FLACC1: variants seen among roughly 807,000 people sequenced by gnomAD.
FLACC1 encodes the protein flagellum-associated coiled-coil domain-containing protein 1.
In FLACC1, 66 loss-of-function variants were observed where a neutral mutation model predicts 62.8. The ratio of observed to expected loss-of-function variants is 1.05; its 90% CI spans 0.86 to 1.29. The LOEUF is 1.29. Ranked by LOEUF, FLACC1 falls within the 50% of genes most tolerant of loss-of-function variation. The pLI is 0.00. For missense variants in FLACC1, 452 were observed against 489.1 expected (o/e 0.92, Z 0.71); for synonymous variants, 156 against 161.0 (o/e 0.97, Z 0.24).
chr2:201,346,590 C>T lies in FLACC1; in HGVS notation c.320G>A (p.Arg107Lys), dbSNP rs375603539. ...GATCTCCGATTCCCACCGCTTTTTC[C>T]TATCAAACATCTCATCCCCTAAGGT... ...SVTLGDEMFD[R>K]KKRWESEIPD... Residue 107 changes from arginine to lysine, a missense_variant, in exon 5 of 15, where the codon AGG becomes AAG. Transcript: ENST00000392257. The surrounding 1 kb of genome is among the most constrained non-coding windows in gnomAD (Gnocchi z 4.0). 2.5e-6 allele frequency: 4 copies of T among 1,614,198 alleles called. No homozygotes were observed. The highest frequency in any genetic ancestry group is 2.5e-6 in the Non-Finnish European group (3 of 1,180,026).
intron 11 of FLACC1, among the ~76,000 whole-genome samples, chr2:201,299,584 C>T (rs1053409427): frequency 9.8e-5 from 15 of 152,288 alleles, no homozygotes; most frequent in Middle Eastern, 3.4e-3. Flanking sequence ...GAATTAATCT[C>T]GCCACAGATT....
chr2:201,332,351 C>T (rs532736511), intron 7 of FLACC1, among the ~76,000 whole-genome samples: 191 of 152,036 alleles, frequency 1.3e-3, no homozygotes, highest in Admixed American at 2.2e-3. Flanking sequence ...TGGGCTCAAG[C>T]GATTCTCTCA....
At chr2:201,315,116 CA>C (rs201077822) in intron 9 of FLACC1, among the ~76,000 whole-genome samples, 2 of 151,170 alleles carry the variant, frequency 1.3e-5, no homozygotes, top group African/African-American at 2.4e-5. Flanking sequence ...ACCTATAATA[CA>C]AAAAAAAGCA....
chr2:201,327,135 ACTGGATCCATATTT>A (rs968625793), intron 9 of FLACC1, among the ~76,000 whole-genome samples: 20 of 152,186 alleles, frequency 1.3e-4, no homozygotes, highest in African/African-American at 4.3e-4. Context: ...GAAAAATGAA[ACTGGATCCATATTT>A]CTCACCTTAT....
chr2:201,298,733 A>G (rs1048488838), intron 12 of FLACC1, among the ~76,000 whole-genome samples: 1 of 152,214 alleles, frequency 6.6e-6, no homozygotes, highest in Non-Finnish European at 1.5e-5. Flanking sequence ...TGATGGAAGA[A>G]TCACACATCA....
chr2:201,305,972 A>C (rs1190407349), intron 11 of FLACC1, among the ~76,000 whole-genome samples: 1 of 151,954 alleles, frequency 6.6e-6, no homozygotes, highest in Non-Finnish European at 1.5e-5. Flanking sequence ...ATTAGGAGAT[A>C]TACTTAATGT....
intron 9 of FLACC1, among the ~76,000 whole-genome samples, chr2:201,315,168 A>G (rs1408654829): frequency 3.9e-5 from 6 of 152,194 alleles, no homozygotes; most frequent in African/African-American, 1.2e-4. Context: ...GCATACAGGA[A>G]ACAAATAGCA....
In FLACC1 at chr2:201,357,027, A is replaced by T. The variant is rs993535234; in HGVS notation, c.-93T>A. On this transcript the variant is annotated 5_prime_UTR_variant, in exon 1 of 15. An upstream open reading frame in the 5' UTR gains an earlier in-frame stop. Transcript: ENST00000392257. The stretch of plus-strand genomic sequence containing the variant: ...GTTATTCTCATGTGGCCCAAGTCAA[A>T]CATCTTAAAGAAACCACCATGTTAG... The T allele has an allele frequency of 2.4e-4, 36 of 152,250 alleles. No individual in the cohort carries two copies. The highest frequency in any genetic ancestry group is 8.4e-4 in the African/African-American group (35 of 41,458). The allele number at this position is 152,250 out of a possible 1,614,324, so 9.4% of individuals were successfully genotyped here.
At chr2:201,294,089 A>G (rs1485409705) in intron 12 of FLACC1, among the ~76,000 whole-genome samples, 2 of 152,354 alleles carry the variant, frequency 1.3e-5, no homozygotes, top group African/African-American at 4.8e-5. Flanking sequence ...ATTCTACCAG[A>G]GGTACAAGGA....
chr2:201,352,956 C>T (rs1951055321), intron 1 of FLACC1, among the ~76,000 whole-genome samples: 3 of 152,242 alleles, frequency 2.0e-5, no homozygotes, highest in Non-Finnish European at 2.9e-5. Flanking sequence ...GGCAAGGAAA[C>T]GAATTCCCCC....
At chr2:201,313,300 C>G (rs978011850) in intron 9 of FLACC1, among the ~76,000 whole-genome samples, 1 of 152,116 alleles carries the variant, frequency 6.6e-6, no homozygotes, top group Non-Finnish European at 1.5e-5. Context: ...AGCTGGGAGG[C>G]TGGTAGCCTG....
At chr2:201,337,629 TC>T (rs1447238628) in intron 7 of FLACC1, among the ~76,000 whole-genome samples, 2 of 152,234 alleles carry the variant, frequency 1.3e-5, no homozygotes, top group Admixed American at 1.3e-4. Context: ...GCTCAAGTGA[TC>T]CTCCCACCTC....
Position 201,346,339 on chromosome 2 carries a change from C to T in FLACC1, c.368+203G>A, listed in dbSNP as rs528611600. ...TCATCCTGCCCCTTGGATCTGCTCACGGATGGGATCAGAGCAGAGAGGCAG... is the reference window on the plus strand; with the variant it reads ...TCATCCTGCCCCTTGGATCTGCTCATGGATGGGATCAGAGCAGAGAGGCAG... On this transcript the variant is annotated intron_variant, in intron 5 of 14. Transcript: ENST00000392257. The surrounding 1 kb of genome is among the most constrained non-coding windows in gnomAD (Gnocchi z 4.0). Among the ~76,000 whole-genome samples the T allele has an allele frequency of 7.2e-5, 11 of 152,348 alleles. No homozygotes were observed. Among genetic ancestry groups the T allele is most frequent in the Middle Eastern group, 3.4e-3 (1 of 294 alleles).
At chr2:201,320,298 G>A (rs183912721) in intron 9 of FLACC1, among the ~76,000 whole-genome samples, 2 of 152,372 alleles carry the variant, frequency 1.3e-5, no homozygotes, top group East Asian at 3.9e-4. Flanking sequence ...CCAGGGTGGA[G>A]GAGAGTGAAA....
At chr2:201,296,691 T>C (rs1949872242) in intron 12 of FLACC1, among the ~76,000 whole-genome samples, 1 of 152,086 alleles carries the variant, frequency 6.6e-6, no homozygotes, top group South Asian at 2.1e-4. Context: ...TCATTCTGTT[T>C]GAGGACCCAA....
At chr2:201,292,882 A>C (rs1419746398) in intron 12 of FLACC1, among the ~76,000 whole-genome samples, 1 of 152,238 alleles carries the variant, frequency 6.6e-6, no homozygotes, top group African/African-American at 2.4e-5. Context: ...CTAGTCTCTG[A>C]TAAAACAGAC....
At chr2:201,321,393 C>A (rs1158007428) in intron 9 of FLACC1, among the ~76,000 whole-genome samples, 1 of 152,198 alleles carries the variant, frequency 6.6e-6, no homozygotes, top group East Asian at 1.9e-4. Flanking sequence ...AGAACCAGAT[C>A]TTTCTGCTAG....
rs769316408 is a variant in FLACC1, at chr2:201,289,579, C to T, written c.1033-13G>A. On this transcript the variant is annotated splice_polypyrimidine_tract_variant and intron_variant, in intron 13 of 14. Coordinates refer to ENST00000392257, the MANE Select transcript of FLACC1 (RefSeq NM_001127391.3). ...CCACTATAGCTTTCTGAAAGACATA[C>T]ATTTTAATAGCCATCTTCCCCAACC... 9 of 1,613,842 alleles carry T rather than the reference C, an allele frequency of 5.6e-6. No homozygotes were observed. Among genetic ancestry groups the T allele is most frequent in the Non-Finnish European group, 7.6e-6 (9 of 1,179,766 alleles).
At chr2:201,341,228 TAA>T (rs1950801677) in intron 7 of FLACC1, among the ~76,000 whole-genome samples, 1 of 152,092 alleles carries the variant, frequency 6.6e-6, no homozygotes, top group Non-Finnish European at 1.5e-5. Flanking sequence ...ATGACTCAAC[TAA>T]GAGTGCTATC....
Sources: allele counts gnomAD v4.1 joint callset (sites outside exome capture counted in the v4.1 genomes callset), GRCh38; gene constraint gnomAD v4.1.1; non-coding constraint Gnocchi (gnomAD v3.1); transcripts MANE v1.5; gene names NCBI Gene and HGNC (gene_info 2026-07-23, HGNC 2026-07-21).